The following MROH1 variants were observed in gnomAD, a reference collection of about 807,000 sequenced individuals.
The protein encoded by MROH1 is maestro heat like repeat family member 1.
Under a neutral mutation model 116.5 loss-of-function variants are expected in MROH1, and 117 were observed. The ratio of observed to expected loss-of-function variants is 1.00; its 90% CI spans 0.86 to 1.17. The LOEUF (loss-of-function observed/expected upper bound fraction) is 1.17. Ranked by LOEUF, MROH1 falls within the 50% of genes most tolerant of loss-of-function variation. MROH1 has a pLI of 0.00. For synonymous variants in MROH1, 921 were observed against 583.9 expected, an observed-to-expected ratio of 1.58 and a Z score of -8.32; for missense variants, 1,873 against 1,338.5, an observed-to-expected ratio of 1.40 and a Z score of -6.23.
intron 2 of MROH1, among the ~76,000 whole-genome samples, chr8:144,162,826 G>A (rs1395377952): frequency 2.0e-5 from 3 of 151,660 alleles, no homozygotes; most frequent in African/African-American, 4.9e-5. Context: ...AGGTTCAAGT[G>A]ATTCTCATGC....
Position 144,260,383 on chromosome 8 carries a change from G to T in MROH1, c.4380+9G>T. On this transcript the variant is annotated intron_variant, in intron 39 of 43. Coordinates refer to ENST00000326134, the MANE Select transcript of MROH1 (RefSeq NM_032450.3). ...GGCCTTTCTTCGACAGTGTAGGCTG[G>T]TTGGGGCAGGGGGAGGGAAGAGGGC... is the stretch of plus-strand genomic sequence containing the variant. The T allele has an allele frequency of 1.4e-6, 1 of 712,264 alleles. No homozygotes were observed. Among genetic ancestry groups the T allele is most frequent in the Non-Finnish European group, 2.6e-6 (1 of 389,682 alleles). The allele number at this position is 712,264 out of a possible 1,614,324, so 44.1% of individuals were successfully genotyped here.
intron 9 of MROH1, 62 bp downstream of exon 9, chr8:144,191,917 G>A (rs1448724477): frequency 2.5e-5 from 40 of 1,592,576 alleles, no homozygotes; most frequent in African/African-American, 4.0e-5. Flanking sequence ...CTCCCCGGGG[G>A]TGGCCGTGAG....
Position 144,163,659 on chromosome 8 carries a change from C to G in MROH1, c.-56-112C>G. On this transcript the variant is annotated intron_variant, in intron 2 of 43. Coordinates refer to ENST00000326134, the MANE Select transcript of MROH1 (RefSeq NM_032450.3). This position sits in a 1 kb window ranked among gnomAD's most constrained non-coding sequence, Gnocchi z 4.4. Reference sequence around the variant, plus strand: ...AAAGAAAATGTGACGGAGATATTTCCCCCAGAATAAATTCATTTAAATTGT... The same window carrying G: ...AAAGAAAATGTGACGGAGATATTTCGCCCAGAATAAATTCATTTAAATTGT... 1 of 698,664 alleles carries G rather than the reference C, an allele frequency of 1.4e-6. No homozygotes were observed. Among genetic ancestry groups the G allele is most frequent in the Non-Finnish European group, 2.4e-6 (1 of 423,602 alleles). The allele number at this position is 698,664 out of a possible 1,614,324, so 43.3% of individuals were successfully genotyped here.
Position 144,150,158 on chromosome 8 carries a change from G to A in MROH1, c.-177+2082G>A, listed in dbSNP as rs894075268. On this transcript the variant is annotated intron_variant, in intron 1 of 43. Transcript: ENST00000326134. ...CTCTGTTGTGGGCACAGGTGTGGCA[G>A]CCATATACTTTTTGTGGCCGGAGGG... Among the ~76,000 whole-genome samples, 469 of 152,276 alleles carry A rather than the reference G, an allele frequency of 3.1e-3. 9 individuals carry two copies. The highest frequency in any genetic ancestry group is 0.026 in the East Asian group (133 of 5,172).
chr8:144,248,798 C>T, intron 31 of MROH1, 79 bp from the exon 32 acceptor site: 1 of 734,450 alleles, frequency 1.4e-6, no homozygotes, highest in Admixed American at 1.9e-5. Flanking sequence ...TAACGCGAGC[C>T]CCTGAGACCC....
intron 13 of MROH1, among the ~76,000 whole-genome samples, chr8:144,221,161 A>G (rs1836653403): frequency 6.6e-6 from 1 of 152,180 alleles, no homozygotes; most frequent in African/African-American, 2.4e-5. Context: ...CAACCAGGGA[A>G]GCTCCTGCCT....
intron 12 of MROH1, among the ~76,000 whole-genome samples, chr8:144,219,271 C>G (rs923586409): frequency 6.6e-6 from 1 of 152,096 alleles, no homozygotes; most frequent in Non-Finnish European, 1.5e-5. Flanking sequence ...ATCCGCCCGT[C>G]TCGGCCTCCC....
chr8:144,260,155 G>A (rs1395211710), intron 38 of MROH1, 31 bp from the exon 39 acceptor site: 6 of 763,068 alleles, frequency 7.9e-6, no homozygotes, highest in Non-Finnish European at 1.4e-5. Context: ...CGGTGACTCT[G>A]GGACCCAGGC....
chr8:144,218,674 C>T (rs1392081152), intron 12 of MROH1, among the ~76,000 whole-genome samples: 116 of 91,468 alleles, frequency 1.3e-3, no homozygotes, highest in African/African-American at 4.7e-3. Flanking sequence ...CCCTCCCGTC[C>T]CCTCTCCCCT....
At chr8:144,181,238 C>T (rs1231403908) in intron 7 of MROH1, among the ~76,000 whole-genome samples, 4 of 126,062 alleles carry the variant, frequency 3.2e-5, no homozygotes, top group South Asian at 2.9e-4. Context: ...CCTCTGGGGC[C>T]GGGGGCCGTT....
At chr8:144,230,266 T>A (rs1466684002) in intron 14 of MROH1, among the ~76,000 whole-genome samples, 1 of 152,198 alleles carries the variant, frequency 6.6e-6, no homozygotes, top group African/African-American at 2.4e-5. Flanking sequence ...AGGCTTCGGC[T>A]TAAGGGAATG....
chr8:144,232,520 G>A (rs1167843888), intron 14 of MROH1, among the ~76,000 whole-genome samples: 1 of 151,596 alleles, frequency 6.6e-6, no homozygotes, highest in African/African-American at 2.4e-5. Flanking sequence ...TTGAGACAGA[G>A]TCTTGCTCTG....
intron 7 of MROH1, among the ~76,000 whole-genome samples, chr8:144,181,360 C>T (rs542405514): frequency 3.8e-5 from 5 of 131,708 alleles, no homozygotes; most frequent in East Asian, 3.9e-4. Flanking sequence ...GGCATGTTTT[C>T]GAAGCATGGA....
At chr8:144,229,321 T>G (rs1183593259) in intron 14 of MROH1, among the ~76,000 whole-genome samples, 4 of 152,182 alleles carry the variant, frequency 2.6e-5, no homozygotes, top group African/African-American at 9.7e-5. Context: ...CAGTTTTTGT[T>G]GCCCAGATCT....
intron 7 of MROH1, among the ~76,000 whole-genome samples, chr8:144,188,404 A>AG (rs1173250093): frequency 3.4e-5 from 5 of 146,812 alleles, no homozygotes; most frequent in South Asian, 4.3e-4. Context: ...GCTTCAGCCC[A>AG]GGGGGGCCTC....
In MROH1 at chr8:144,250,285, A is replaced by C. The variant is rs1379840207; in HGVS notation, c.3347A>C (p.Gln1116Pro). The change falls in exon 33 of 44, where the codon CAG becomes CCG. Residue 1116 changes from glutamine to proline, a missense_variant. Coordinates refer to ENST00000326134, the MANE Select transcript of MROH1 (RefSeq NM_032450.3). ...AQGEHVLPAA[Q>P]HSVYLLATQH... ...GGAGAGCACGTCCTGCCGGCCGCCC[A>C]GCACAGCGTGTACCTCCTGGCCACC... 1.3e-6 allele frequency: 1 copy of C among 767,592 alleles called. No individual in the cohort carries two copies. Among genetic ancestry groups the C allele is most frequent in the Non-Finnish European group, 2.4e-6 (1 of 416,036 alleles). 47.5% of individuals were successfully genotyped at this position (767,592 alleles called of 1,614,324 possible). A position where few individuals can be genotyped will look rare whatever the true frequency, so the allele number is the denominator to read the frequency against.
chr8:144,178,987 AGGTGGTGTGGTG>A (rs1217817877), intron 4 of MROH1, among the ~76,000 whole-genome samples: 1 of 151,990 alleles, frequency 6.6e-6, no homozygotes, highest in Non-Finnish European at 1.5e-5. Context: ...GCGTGGCAGA[AGGTGGTGTGGTG>A]GGTGGCGTTT....
At chr8:144,195,192 C>CT (rs1010860849) in intron 10 of MROH1, among the ~76,000 whole-genome samples, 5 of 1,812 alleles carry the variant, frequency 2.8e-3, no homozygotes, top group Non-Finnish European at 3.8e-3. Flanking sequence ...GAGACTGTGT[C>CT]TTTAAAAAAA....
At chr8:144,210,841 T>C (rs1833949632) in intron 12 of MROH1, among the ~76,000 whole-genome samples, 2 of 152,182 alleles carry the variant, frequency 1.3e-5, no homozygotes, top group South Asian at 4.1e-4. Context: ...ATACATGCAA[T>C]ATAAAATTTA....
Sources: allele counts gnomAD v4.1 joint callset (sites outside exome capture counted in the v4.1 genomes callset), GRCh38; gene constraint gnomAD v4.1.1; non-coding constraint Gnocchi (gnomAD v3.1); transcripts MANE v1.5; gene names NCBI Gene and HGNC (gene_info 2026-07-23, HGNC 2026-07-21).